DCC: variants seen among roughly 807,000 people sequenced by gnomAD.
The protein encoded by DCC is netrin receptor DCC.
In DCC, 58 loss-of-function variants were observed where a neutral mutation model predicts 172.5. That is an observed-to-expected ratio of 0.34 (90% CI 0.27 to 0.42). The LOEUF is 0.42. DCC is among the 10% of genes least tolerant of loss of function. The pLI is 1.00. For synonymous variants in DCC, 709 were observed against 644.5 expected (o/e 1.10, Z -1.52); for missense variants, 1,740 against 1,791.0 (o/e 0.97, Z 0.51).
At chr18:52,829,142 G>T (rs532420723) in intron 2 of DCC, among the ~76,000 whole-genome samples, 1 of 152,198 alleles carries the variant, frequency 6.6e-6, no homozygotes, top group Non-Finnish European at 1.5e-5. Context: ...CATTCCCTCA[G>T]AAATACAGAA....
intron 5 of DCC, among the ~76,000 whole-genome samples, chr18:52,986,034 T>A (rs560802903): frequency 1.3e-5 from 2 of 152,168 alleles, no homozygotes; most frequent in Non-Finnish European, 2.9e-5. Context: ...TCAAGGTTTT[T>A]AGTAATCATT....
intron 27 of DCC, among the ~76,000 whole-genome samples, chr18:53,503,397 T>C (rs1044381052): frequency 6.6e-6 from 1 of 152,194 alleles, no homozygotes; most frequent in African/African-American, 2.4e-5. Flanking sequence ...CACCTTATAA[T>C]AGAGTGCTTC....
In DCC at chr18:52,394,906, G is replaced by A. The variant is rs193257129; in HGVS notation, c.91+54028G>A. 1.1e-3 allele frequency among the ~76,000 whole-genome samples: 170 copies of A among 152,178 alleles called. 1 individual carries two copies. In the South Asian group the frequency reaches 0.018, roughly 16 times the overall value. On this transcript the variant is annotated intron_variant, in intron 1 of 28. Transcript: ENST00000442544. The stretch of plus-strand genomic sequence containing the variant: ...AAATAGTTAATGAAAGACTTTGAGA[G>A]CTGCAGGGATGTCTGACAGATTGGC...
chr18:53,095,906 T>C (rs1359919219), intron 7 of DCC, among the ~76,000 whole-genome samples: 1 of 150,112 alleles, frequency 6.7e-6, no homozygotes, highest in Non-Finnish European at 1.5e-5. Flanking sequence ...TCCTCAAAGG[T>C]ATAAATGAGC....
At chr18:53,046,479 GA>G (rs10628083) in intron 5 of DCC, among the ~76,000 whole-genome samples, 6 of 148,294 alleles carry the variant, frequency 4.0e-5, no homozygotes, top group Admixed American at 1.4e-4. Context: ...TTTAAAACTG[GA>G]AAAAAAAAAG....
chr18:52,364,710 T>G (rs987429465), intron 1 of DCC, among the ~76,000 whole-genome samples: 2 of 152,216 alleles, frequency 1.3e-5, no homozygotes, highest in Non-Finnish European at 2.9e-5. Context: ...TCTACTCTTC[T>G]CACCTGTTGC....
chr18:53,484,092 T>C (rs2045872736), intron 25 of DCC, among the ~76,000 whole-genome samples: 1 of 151,912 alleles, frequency 6.6e-6, no homozygotes, highest in Non-Finnish European at 1.5e-5. Flanking sequence ...TTTGAACTTC[T>C]CCCAAATTAC....
At chr18:52,455,022 G>C (rs926149660) in intron 1 of DCC, among the ~76,000 whole-genome samples, 5 of 152,000 alleles carry the variant, frequency 3.3e-5, no homozygotes, top group Admixed American at 1.3e-4. Flanking sequence ...GTTTCTTCTT[G>C]TTGTAGCATT....
At chr18:53,287,307 A>G (rs1370116976) in intron 12 of DCC, among the ~76,000 whole-genome samples, 1 of 152,204 alleles carries the variant, frequency 6.6e-6, no homozygotes, top group Non-Finnish European at 1.5e-5. Context: ...AGAATGTATC[A>G]GTACTTCATT....
chr18:52,475,684 G>C (rs1228475360), intron 1 of DCC, among the ~76,000 whole-genome samples: 1 of 152,138 alleles, frequency 6.6e-6, no homozygotes, highest in African/African-American at 2.4e-5. Flanking sequence ...GAGCTGTGTG[G>C]TTGTGAATAT....
At chr18:52,854,868 A>C (rs1200851147) in intron 2 of DCC, among the ~76,000 whole-genome samples, 2 of 152,158 alleles carry the variant, frequency 1.3e-5, no homozygotes, top group Non-Finnish European at 1.5e-5. Context: ...CCTCCCAAGG[A>C]CTGACTGTGT....
intron 27 of DCC, among the ~76,000 whole-genome samples, chr18:53,517,629 C>T (rs2046352017): frequency 6.6e-6 from 1 of 151,920 alleles, no homozygotes; most frequent in Admixed American, 6.6e-5. Flanking sequence ...TCAGAGTAGC[C>T]CTTTCTTACA....
At chr18:53,177,463 A>C (rs2055122231) in intron 8 of DCC, among the ~76,000 whole-genome samples, 1 of 152,210 alleles carries the variant, frequency 6.6e-6, no homozygotes, top group South Asian at 2.1e-4. Flanking sequence ...TAACCCGTAT[A>C]ACAAATAAGC....
At chr18:52,421,940 C>A (rs1208322421) in intron 1 of DCC, among the ~76,000 whole-genome samples, 1 of 152,168 alleles carries the variant, frequency 6.6e-6, no homozygotes, top group Non-Finnish European at 1.5e-5. Context: ...CCCCATGAGA[C>A]CCTATCATTT....
intron 7 of DCC, among the ~76,000 whole-genome samples, chr18:53,155,853 C>G (rs1266099540): frequency 6.6e-6 from 1 of 152,152 alleles, no homozygotes; most frequent in Non-Finnish European, 1.5e-5. Flanking sequence ...ATAGTGAAAC[C>G]CTGTCTCTAC....
intron 1 of DCC, among the ~76,000 whole-genome samples, chr18:52,468,314 T>C (rs1161296280): frequency 6.6e-6 from 1 of 152,206 alleles, no homozygotes; most frequent in Non-Finnish European, 1.5e-5. Flanking sequence ...CAAAAAATTG[T>C]CCATCGAAAA....
intron 13 of DCC, among the ~76,000 whole-genome samples, chr18:53,312,097 C>G (rs1157496831): frequency 7.0e-6 from 1 of 142,462 alleles, no homozygotes; most frequent in East Asian, 2.0e-4. Context: ...ATCACGAGGT[C>G]AAGAGATCGA....
At chr18:53,183,838 C>T (rs2055237162) in intron 9 of DCC, among the ~76,000 whole-genome samples, 1 of 151,860 alleles carries the variant, frequency 6.6e-6, no homozygotes, top group Admixed American at 6.6e-5. Context: ...CAAATAATGT[C>T]TCTGAACATT....
intron 2 of DCC, among the ~76,000 whole-genome samples, chr18:52,800,236 T>C (rs2037959205): frequency 6.6e-6 from 1 of 152,172 alleles, no homozygotes; most frequent in South Asian, 2.1e-4. Context: ...CCCCAGCTAA[T>C]ACTGTGATGA....
Sources: gnomAD v4.1 joint callset for allele counts (sites outside exome capture counted in the v4.1 genomes callset) on GRCh38, gnomAD v4.1.1 for gene constraint, MANE v1.5 for transcripts, NCBI Gene and HGNC (gene_info 2026-07-23, HGNC 2026-07-21) for gene names.